BRAP: variants seen among roughly 807,000 people sequenced by gnomAD.
The protein encoded by BRAP is BRCA1 associated protein.
In BRAP, 42 loss-of-function variants were observed where a neutral mutation model predicts 73.4. That is an observed-to-expected ratio of 0.57 (90% confidence interval 0.45 to 0.74). The LOEUF (loss-of-function observed/expected upper bound fraction) is 0.74. BRAP is among the 30% of genes least tolerant of loss of function. The pLI is 0.00. For synonymous variants in BRAP, 255 were observed against 267.4 expected (o/e 0.95, Z 0.45); for missense variants, 593 against 751.4 (o/e 0.79, Z 2.46).
Position 111,654,472 on chromosome 12 carries a change from C to T in BRAP, c.1311+1094G>A, listed in dbSNP as rs567596656. ...CTGGGATTACAGGCGCCTGCCACCA[C>T]GCCCGACCAGTTTCTGCATTTTCAG... On this transcript the variant is annotated intron_variant, in intron 10 of 11. Transcript: ENST00000419234. Among the ~76,000 whole-genome samples the T allele has an allele frequency of 5.9e-5, 9 of 152,146 alleles. 1 individual carries two copies. The highest frequency in any genetic ancestry group is 2.0e-4 in the Admixed American group (3 of 15,262).
intron 9 of BRAP, 49 bp from the exon 10 acceptor site, chr12:111,655,704 C>T (rs758389635): frequency 3.6e-6 from 5 of 1,407,108 alleles, no homozygotes; most frequent in South Asian, 2.3e-5. Context: ...TGTTGTCAGC[C>T]TCTGAAATCC....
In BRAP at chr12:111,665,463, A is replaced by G. The variant is rs900861553; in HGVS notation, c.896+176T>C. Among the ~76,000 whole-genome samples, 2 of 152,170 alleles carry G rather than the reference A, an allele frequency of 1.3e-5. No individual in the cohort carries two copies. Among genetic ancestry groups the G allele is most frequent in the Non-Finnish European group, 2.9e-5 (2 of 68,018 alleles). Reference sequence around the variant, plus strand: ...CACAAGGGTTCAGAATCAGCATACTAAAAAAGGACTTGGTCTCAGAATGCC... The same window carrying G: ...CACAAGGGTTCAGAATCAGCATACTGAAAAAGGACTTGGTCTCAGAATGCC... On this transcript the variant is annotated intron_variant, in intron 6 of 11. Coordinates refer to ENST00000419234, the MANE Select transcript of BRAP (RefSeq NM_006768.5). This position sits in a 1 kb window ranked among gnomAD's most constrained non-coding sequence, Gnocchi z 4.3.
At position 111,665,641 on chromosome 12, in the gene BRAP, G is replaced by T. The variant is rs372725041; in HGVS notation, c.894C>A (p.Thr298=). Residue 298 remains threonine (T), a splice_region_variant and synonymous_variant, in exon 6 of 12, where the codon ACC becomes ACA. Transcript: ENST00000419234. The surrounding 1 kb of genome is among the most constrained non-coding windows in gnomAD (Gnocchi z 4.3). ...AGGGGTTCGGCCCCTGCACTCACGTGGTATCGTCCCAGCGCTGTAGACACT... is the reference window on the plus strand; with the variant it reads ...AGGGGTTCGGCCCCTGCACTCACGTTGTATCGTCCCAGCGCTGTAGACACT... The part of the protein sequence containing the change: ...HSQCLQRWDD[T]TCPVCRYCQT... 8 of 1,614,132 alleles carry T rather than the reference G, an allele frequency of 5.0e-6. No individual in the cohort carries two copies. In the South Asian group the frequency reaches 8.8e-5, roughly 18 times the overall value.
intron 6 of BRAP, among the ~76,000 whole-genome samples, chr12:111,662,001 G>A (rs547582671): frequency 6.6e-6 from 1 of 152,242 alleles, no homozygotes; most frequent in Non-Finnish European, 1.5e-5. Flanking sequence ...TGTACTTATT[G>A]AAATGCACAT....
At chr12:111,655,913 T>G (rs1886512714) in intron 9 of BRAP, among the ~76,000 whole-genome samples, 1 of 152,192 alleles carries the variant, frequency 6.6e-6, no homozygotes, top group Admixed American at 6.5e-5. Context: ...TCAAGCTGAC[T>G]TTAAGAAGAA....
At chr12:111,652,856 C>G (rs998690724) in intron 10 of BRAP, among the ~76,000 whole-genome samples, 2 of 152,094 alleles carry the variant, frequency 1.3e-5, no homozygotes, top group African/African-American at 4.8e-5. Context: ...ACTACAGGCA[C>G]GTGCCACCAA....
At chr12:111,680,113 C>T (rs768373721) in intron 3 of BRAP, among the ~76,000 whole-genome samples, 2 of 151,442 alleles carry the variant, frequency 1.3e-5, no homozygotes, top group African/African-American at 2.4e-5. Flanking sequence ...CGTGCCACCA[C>T]GCCGGGCTAA....
At chr12:111,668,271 T>C (rs567484789) in intron 5 of BRAP, among the ~76,000 whole-genome samples, 15 of 152,314 alleles carry the variant, frequency 9.8e-5, no homozygotes, top group Non-Finnish European at 7.4e-5. Context: ...CACAAGTTAG[T>C]AATTTAAATC....
At chr12:111,678,890 G>C (rs1474645360) in intron 4 of BRAP, among the ~76,000 whole-genome samples, 1 of 151,442 alleles carries the variant, frequency 6.6e-6, no homozygotes, top group African/African-American at 2.4e-5. Context: ...GGGAGGCCAA[G>C]GCAGGAGGAT....
chr12:111,683,881 C>G (rs535189570), intron 1 of BRAP, among the ~76,000 whole-genome samples: 5 of 152,046 alleles, frequency 3.3e-5, no homozygotes, highest in Non-Finnish European at 4.4e-5. Context: ...AAAGAGGGAG[C>G]CTTAGAGAAG....
chr12:111,670,015 T>C (rs2135919181), intron 5 of BRAP: 1 of 642,446 alleles, frequency 1.6e-6, no homozygotes, highest in Non-Finnish European at 3.0e-6. Flanking sequence ...CTTCTGGAGA[T>C]TTCCTCTGGT....
intron 3 of BRAP, 47 bp from the exon 4 acceptor site, chr12:111,679,387 A>T: frequency 7.6e-7 from 1 of 1,317,152 alleles, no homozygotes; most frequent in South Asian, 2.1e-5. Flanking sequence ...AGGTATGGTT[A>T]GTTTAAACAA....
At chr12:111,681,543 C>A in intron 3 of BRAP, 94 bp downstream of exon 3, 3 of 998,910 alleles carry the variant, frequency 3.0e-6, no homozygotes, top group Non-Finnish European at 2.9e-6. Flanking sequence ...GCTTAAAATA[C>A]CCACTTTCCT....
At chr12:111,681,600 AAAT>A in intron 3 of BRAP, 34 bp downstream of exon 3, 3 of 1,525,772 alleles carry the variant, frequency 2.0e-6, no homozygotes, top group South Asian at 1.2e-5. Flanking sequence ...AAAAAAAAAA[AAAT>A]TGACTAACCC....
intron 3 of BRAP, among the ~76,000 whole-genome samples, chr12:111,679,739 T>C (rs1357777480): frequency 6.6e-6 from 1 of 151,646 alleles, no homozygotes; most frequent in Non-Finnish European, 1.5e-5. Flanking sequence ...TAGCCGGGCA[T>C]GGTGGCAGGT....
intron 10 of BRAP, 128 bp downstream of exon 10, chr12:111,655,438 C>T: frequency 4.4e-6 from 3 of 674,342 alleles, no homozygotes; most frequent in African/African-American, 1.8e-5. Context: ...AACAGTTCTC[C>T]ACCTATTACC....
intron 5 of BRAP, among the ~76,000 whole-genome samples, chr12:111,669,024 T>G (rs1356642059): frequency 2.0e-5 from 3 of 152,130 alleles, no homozygotes; most frequent in Non-Finnish European, 4.4e-5. Context: ...TATGATGACT[T>G]GAAACAAAAC....
chr12:111,648,679 G>A (rs1157926979), intron 11 of BRAP, among the ~76,000 whole-genome samples: 1 of 151,474 alleles, frequency 6.6e-6, no homozygotes, highest in East Asian at 2.0e-4. Flanking sequence ...TGTAATCCAA[G>A]CACTTTGGGA....
intron 6 of BRAP, among the ~76,000 whole-genome samples, chr12:111,663,978 A>G (rs1484263948): frequency 6.6e-6 from 1 of 152,188 alleles, no homozygotes; most frequent in Admixed American, 6.6e-5. Context: ...ATGGTCCCTG[A>G]GGAAACTTCC....
Sources: gnomAD v4.1 joint callset for allele counts (sites outside exome capture counted in the v4.1 genomes callset) on GRCh38, gnomAD v4.1.1 for gene constraint, Gnocchi (gnomAD v3.1) non-coding constraint, MANE v1.5 for transcripts, NCBI Gene and HGNC (gene_info 2026-07-23, HGNC 2026-07-21) for gene names.